The following SLC9B1 variants were observed in gnomAD, a reference collection of about 807,000 sequenced individuals.
The protein encoded by SLC9B1 is solute carrier family 9 member B1.
A neutral mutation model predicts 51.7 loss-of-function variants in SLC9B1; 32 were observed. The ratio of observed to expected loss-of-function variants is 0.62; its 90% confidence interval spans 0.47 to 0.83. The LOEUF is 0.83. SLC9B1 is among the 40% of genes least tolerant of loss of function. The pLI is 0.00. For missense variants in SLC9B1, 406 were observed against 613.2 expected, an observed-to-expected ratio of 0.66 and a Z score of 3.57; for synonymous variants, 145 against 212.7, an observed-to-expected ratio of 0.68 and a Z score of 2.77.
rs113057608 is a variant in SLC9B1 at position 102,913,513 on chromosome 4, A to G, written c.830-1976T>C. On this transcript the variant is annotated intron_variant, in intron 7 of 11. Coordinates refer to ENST00000296422, the MANE Select transcript of SLC9B1 (RefSeq NM_139173.4). ...AAGCCAGCTGATAAAAACTGGGAGC[A>G]GTGGCAGTTTTTTCAAACGTCCAAA... Among the ~76,000 whole-genome samples the G allele has an allele frequency of 3.3e-3, 506 of 152,310 alleles. 5 individuals are homozygous for G. The highest frequency in any genetic ancestry group is 0.017 in the Middle Eastern group (5 of 294).
intron 3 of SLC9B1, among the ~76,000 whole-genome samples, chr4:102,971,180 T>C (rs563741681): frequency 6.6e-6 from 1 of 152,316 alleles, no homozygotes; most frequent in African/African-American, 2.4e-5. Context: ...ATCAACAGAA[T>C]GTACATTCTT....
At chr4:102,995,277 T>A (rs139811692) in intron 1 of SLC9B1, among the ~76,000 whole-genome samples, 3 of 152,260 alleles carry the variant, frequency 2.0e-5, no homozygotes, top group African/African-American at 7.2e-5. Flanking sequence ...AGGGGAAGAT[T>A]ATAAAAAACA....
intron 3 of SLC9B1, among the ~76,000 whole-genome samples, chr4:102,965,013 C>T (rs1413141995): frequency 6.6e-6 from 1 of 151,854 alleles, no homozygotes; most frequent in African/African-American, 2.4e-5. Context: ...ACACACACAC[C>T]CACATACCAC....
chr4:102,985,963 A>G (rs1395306032), intron 3 of SLC9B1, among the ~76,000 whole-genome samples: 1 of 152,206 alleles, frequency 6.6e-6, no homozygotes, highest in African/African-American at 2.4e-5. Context: ...AGTCATAAAT[A>G]CATTATTGCT....
chr4:102,974,240 TTGAAAAAAA>T (rs1738922911), intron 3 of SLC9B1, among the ~76,000 whole-genome samples: 4 of 76,272 alleles, frequency 5.2e-5, no homozygotes, highest in Admixed American at 3.6e-4. Flanking sequence ...CTGTCTAAAA[TTGAAAAAAA>T]AAAAAAAAAA....
At chr4:102,976,158 G>A (rs966266032) in intron 3 of SLC9B1, among the ~76,000 whole-genome samples, 2 of 152,138 alleles carry the variant, frequency 1.3e-5, no homozygotes, top group African/African-American at 2.4e-5. Flanking sequence ...TCTTGAATAC[G>A]ATGCAGACAG....
In SLC9B1 at chr4:102,893,281, CAAAAAA is replaced by C. The variant is rs58316456; in HGVS notation, c.1333-7959_1333-7954del. ...TGGGCCACAGAGCAAGACTCCATCT[CAAAAAA>C]AAAAAAAAAAAAAAAAAAGAAAAAG... is the stretch of plus-strand genomic sequence containing the variant. On this transcript the variant is annotated intron_variant, in intron 11 of 11. Coordinates refer to the SLC9B1 transcript ENST00000394789. Among the ~76,000 whole-genome samples the C allele has an allele frequency of 2.8e-4, 10 of 35,170 alleles. 1 individual carries two copies. The highest frequency in any genetic ancestry group is 1.8e-3 in the South Asian group (1 of 542). 23.1% of individuals were successfully genotyped at this position (35,170 alleles called of 152,430 possible).
chr4:102,951,292 A>G (rs535578295), intron 3 of SLC9B1, among the ~76,000 whole-genome samples: 1 of 152,298 alleles, frequency 6.6e-6, no homozygotes, highest in South Asian at 2.1e-4. Flanking sequence ...AAAATCTCTA[A>G]TAGACAGTCC....
At chr4:102,978,556 T>C (rs980447998) in intron 3 of SLC9B1, among the ~76,000 whole-genome samples, 8 of 152,072 alleles carry the variant, frequency 5.3e-5, no homozygotes, top group African/African-American at 1.9e-4. Context: ...AAAAGACACA[T>C]GAAAAAATGC....
At chr4:102,896,457 C>G (rs184692026), downstream of SLC9B1, among the ~76,000 whole-genome samples, 523 of 151,828 alleles carry the variant, frequency 3.4e-3, 6 homozygotes, top group Middle Eastern at 0.054. Context: ...TAAATAAAGC[C>G]AAAATTAGAA....
At chr4:102,960,871 T>A (rs1039172291) in intron 3 of SLC9B1, among the ~76,000 whole-genome samples, 21 of 152,174 alleles carry the variant, frequency 1.4e-4, no homozygotes, top group African/African-American at 5.1e-4. Flanking sequence ...TAGCTGGGAT[T>A]ACAGGCATGC....
chr4:102,965,265 A>T (rs6533045), intron 3 of SLC9B1, among the ~76,000 whole-genome samples: 82,329 of 151,022 alleles, frequency 0.55, 22,978 homozygotes, highest in African/African-American at 0.68. Flanking sequence ...CCAGACCGGG[A>T]AGTTCAAGAA....
At chr4:102,982,267 C>T (rs1739401274) in intron 3 of SLC9B1, among the ~76,000 whole-genome samples, 1 of 152,022 alleles carries the variant, frequency 6.6e-6, no homozygotes, top group African/African-American at 2.4e-5. Context: ...ATCTCTTTGT[C>T]TAGTCTTTTA....
chr4:102,982,713 T>C (rs1231493036), intron 3 of SLC9B1, among the ~76,000 whole-genome samples: 2 of 152,130 alleles, frequency 1.3e-5, no homozygotes, highest in South Asian at 2.1e-4. Flanking sequence ...AGGAAAACAA[T>C]TGACTTTTGT....
intron 1 of SLC9B1, among the ~76,000 whole-genome samples, chr4:103,016,193 C>G (rs1007845034): frequency 2.8e-5 from 4 of 144,730 alleles, no homozygotes; most frequent in African/African-American, 1.0e-4. Context: ...CTACCTAAGG[C>G]CAATACTTCT....
At chr4:102,901,518 G>C (rs900710774) in intron 11 of SLC9B1, among the ~76,000 whole-genome samples, 186 bp from the exon 12 acceptor site, 2 of 152,210 alleles carry the variant, frequency 1.3e-5, no homozygotes, top group East Asian at 1.9e-4. Flanking sequence ...TGGAGGAAGA[G>C]TACAATAGTG....
At chr4:102,918,600 G>T (rs577815858) in intron 7 of SLC9B1, among the ~76,000 whole-genome samples, 1 of 152,300 alleles carries the variant, frequency 6.6e-6, no homozygotes, top group Non-Finnish European at 1.5e-5. Context: ...GGGCATTTTG[G>T]AGATGATTAG....
intron 3 of SLC9B1, among the ~76,000 whole-genome samples, chr4:102,983,278 G>A (rs1739451181): frequency 6.6e-6 from 1 of 152,000 alleles, no homozygotes; most frequent in African/African-American, 2.4e-5. Context: ...TTTATATGCT[G>A]TTTAATTCAA....
chr4:102,994,807 A>T (rs755760082), intron 1 of SLC9B1, among the ~76,000 whole-genome samples: 1 of 152,086 alleles, frequency 6.6e-6, no homozygotes, highest in Non-Finnish European at 1.5e-5. Context: ...AAATCATCAG[A>T]TCTCATGACG....
Sources: allele counts gnomAD v4.1 joint callset (sites outside exome capture counted in the v4.1 genomes callset), GRCh38; gene constraint gnomAD v4.1.1; transcripts MANE v1.5; gene names NCBI Gene and HGNC (gene_info 2026-07-23, HGNC 2026-07-21).